The following UBE3D variants were observed in gnomAD, a reference collection of about 807,000 sequenced individuals.
UBE3D encodes the protein ubiquitin protein ligase E3D.
In UBE3D, 48 loss-of-function variants were observed where a neutral mutation model predicts 49.6. That is an observed-to-expected ratio of 0.97 (90% CI 0.77 to 1.23). The LOEUF (loss-of-function observed/expected upper bound fraction) is 1.23, where lower values mean the gene tolerates loss of function less well. UBE3D is among the 50% of genes most tolerant of loss of function. The pLI is 0.00. For synonymous variants in UBE3D, 189 were observed against 174.2 expected (o/e 1.08, Z -0.67); for missense variants, 452 against 468.4 (o/e 0.96, Z 0.32).
chr6:82,946,930 G>C (rs531467005), intron 9 of UBE3D, among the ~76,000 whole-genome samples: 2 of 148,424 alleles, frequency 1.3e-5, no homozygotes, highest in South Asian at 4.3e-4. Context: ...AAAAAAGCAA[G>C]AAATTAAATC....
intron 9 of UBE3D, among the ~76,000 whole-genome samples, chr6:82,916,853 A>AC (rs903727515): frequency 6.6e-6 from 1 of 152,098 alleles, no homozygotes; most frequent in Admixed American, 6.6e-5. Context: ...GCTCAGCTGG[A>AC]CCCCCGATAC....
chr6:82,934,383 T>C (rs1367854288), intron 9 of UBE3D, among the ~76,000 whole-genome samples: 1 of 152,222 alleles, frequency 6.6e-6, no homozygotes, highest in Non-Finnish European at 1.5e-5. Flanking sequence ...CTTTGTTCTG[T>C]TATTTTAATT....
intron 8 of UBE3D, among the ~76,000 whole-genome samples, chr6:82,997,973 T>C (rs1320084968): frequency 2.0e-5 from 3 of 152,186 alleles, no homozygotes; most frequent in Non-Finnish European, 4.4e-5. Flanking sequence ...TTGATTTTTT[T>C]TTAAGTACGG....
chr6:82,908,868 A>G (rs927914472), intron 9 of UBE3D, among the ~76,000 whole-genome samples: 5 of 152,130 alleles, frequency 3.3e-5, no homozygotes, highest in African/African-American at 1.2e-4. Context: ...GGGCACAGAG[A>G]CAGTCCTGGG....
intron 8 of UBE3D, among the ~76,000 whole-genome samples, chr6:82,974,331 G>A (rs778582100): frequency 5.9e-5 from 9 of 152,042 alleles, no homozygotes; most frequent in Non-Finnish European, 7.4e-5. Context: ...TGATCCCTAC[G>A]TATCCATAGG....
intron 8 of UBE3D, among the ~76,000 whole-genome samples, chr6:82,962,198 T>C (rs1648927354): frequency 6.6e-6 from 1 of 152,228 alleles, no homozygotes; most frequent in Non-Finnish European, 1.5e-5. Context: ...CTTTTATTTT[T>C]CAAGTGTTAT....
chr6:83,058,854 C>A (rs1379891090), intron 1 of UBE3D, among the ~76,000 whole-genome samples: 2 of 152,108 alleles, frequency 1.3e-5, no homozygotes, highest in Non-Finnish European at 2.9e-5. Context: ...ACTTAGTTAG[C>A]AATACAGAAT....
intron 8 of UBE3D, among the ~76,000 whole-genome samples, chr6:82,995,682 G>T (rs1216924974): frequency 6.6e-6 from 1 of 152,170 alleles, no homozygotes; most frequent in Non-Finnish European, 1.5e-5. Flanking sequence ...AAGCCTGATA[G>T]TATCAAGTAT....
intron 9 of UBE3D, among the ~76,000 whole-genome samples, chr6:82,949,413 A>T (rs1294711182): frequency 6.6e-6 from 1 of 152,178 alleles, no homozygotes; most frequent in African/African-American, 2.4e-5. Flanking sequence ...GGACTGGAAG[A>T]ATCAATATTG....
At chr6:82,981,260 G>A (rs978426792) in intron 8 of UBE3D, among the ~76,000 whole-genome samples, 1 of 151,968 alleles carries the variant, frequency 6.6e-6, no homozygotes, top group African/African-American at 2.4e-5. Context: ...AATAATATTT[G>A]CCCTTTAAGC....
At chr6:82,966,198 G>A (rs968374389) in intron 8 of UBE3D, among the ~76,000 whole-genome samples, 7 of 152,048 alleles carry the variant, frequency 4.6e-5, no homozygotes, top group Non-Finnish European at 7.4e-5. Context: ...AAAATGCTCA[G>A]AATAGGCAAA....
At chr6:82,984,993 T>A (rs1158982110) in intron 8 of UBE3D, among the ~76,000 whole-genome samples, 1 of 138,790 alleles carries the variant, frequency 7.2e-6, no homozygotes, top group African/African-American at 2.6e-5. Context: ...AATTTTTTTC[T>A]TTCTTCTTCT....
intron 8 of UBE3D, among the ~76,000 whole-genome samples, chr6:83,012,576 A>T (rs1424144514): frequency 6.6e-6 from 1 of 152,136 alleles, no homozygotes; most frequent in Non-Finnish European, 1.5e-5. Context: ...GATTATTAAA[A>T]TCCTTCTCTG....
intron 4 of UBE3D, among the ~76,000 whole-genome samples, chr6:83,039,808 TA>T (rs1782527183): frequency 6.6e-6 from 1 of 152,082 alleles, no homozygotes; most frequent in Non-Finnish European, 1.5e-5. Flanking sequence ...CATGCCCGGC[TA>T]ATTTTTGTAG....
chr6:83,021,437 G>C (rs1307480364), intron 7 of UBE3D, among the ~76,000 whole-genome samples: 1 of 150,572 alleles, frequency 6.6e-6, no homozygotes, highest in Non-Finnish European at 1.5e-5. Flanking sequence ...GTAAGACCTT[G>C]TCTCAAAAAA....
At chr6:83,020,832 T>C (rs938411905) in intron 7 of UBE3D, among the ~76,000 whole-genome samples, 2 of 152,206 alleles carry the variant, frequency 1.3e-5, no homozygotes, top group Non-Finnish European at 1.5e-5. Context: ...TATTAGCTTT[T>C]TAGTCTCATG....
intron 8 of UBE3D, among the ~76,000 whole-genome samples, chr6:82,972,924 AAC>A (rs1257890956): frequency 6.6e-6 from 1 of 152,336 alleles, no homozygotes; most frequent in East Asian, 1.9e-4. Context: ...TAACTTTGAA[AAC>A]ACATATGTTT....
chr6:83,008,368 C>T (rs1780121296), intron 8 of UBE3D, among the ~76,000 whole-genome samples: 2 of 152,206 alleles, frequency 1.3e-5, no homozygotes, highest in East Asian at 3.9e-4. Flanking sequence ...TAATATTTAG[C>T]ATCTAAATGC....
chr6:83,015,355 T>G lies in UBE3D; in HGVS notation c.1010+3618A>C, dbSNP rs772366596. Among the ~76,000 whole-genome samples the G allele has an allele frequency of 1.2e-4, 19 of 152,200 alleles. No individual in the cohort carries two copies. The Middle Eastern group carries it at 0.01, about 82-fold the overall frequency. ...TTCCTCTACATTAAACCAAGAGAGA[T>G]CAGGTATTTCCAGCTCACTCACAGT... On this transcript the variant is annotated intron_variant, in intron 8 of 9. Coordinates refer to ENST00000369747, the MANE Select transcript of UBE3D (RefSeq NM_198920.3).
Sources: gnomAD v4.1 joint callset for allele counts (sites outside exome capture counted in the v4.1 genomes callset) on GRCh38, gnomAD v4.1.1 for gene constraint, MANE v1.5 for transcripts, NCBI Gene and HGNC (gene_info 2026-07-23, HGNC 2026-07-21) for gene names.